Variants in LTBP1 observed in about 807,000 individuals in gnomAD.
LTBP1 encodes the protein latent-transforming growth factor beta-binding protein 1.
Under a neutral mutation model 207.6 loss-of-function variants are expected in LTBP1, and 129 were observed. The ratio of observed to expected loss-of-function variants is 0.62; its 90% CI spans 0.54 to 0.72. The LOEUF (loss-of-function observed/expected upper bound fraction) is 0.72. LTBP1 is among the 30% of genes least tolerant of loss of function. LTBP1 has a pLI of 0.00. For synonymous variants in LTBP1, 963 were observed against 833.7 expected, an observed-to-expected ratio of 1.16 and a Z score of -2.67; for missense variants, 2,281 against 2,217.2, an observed-to-expected ratio of 1.03 and a Z score of -0.58.
rs199743439 is a variant in LTBP1, at chr2:33,237,276, GT to G, written c.1877-6382del. Among the ~76,000 whole-genome samples, 1,458 of 152,242 alleles carry G rather than the reference GT, an allele frequency of 9.6e-3. 20 individuals carry two copies. The highest frequency in any genetic ancestry group is 0.043 in the Admixed American group (653 of 15,288). ...GAGATTTTGCCAAAGGACTCTTCGG[GT>G]TTTAAATATGCTTATGTATATAGAA... On this transcript the variant is annotated intron_variant, in intron 9 of 33. Transcript: ENST00000404816.
chr2:33,279,250 CTCTT>C (rs1421384167), intron 18 of LTBP1, among the ~76,000 whole-genome samples: 1 of 152,186 alleles, frequency 6.6e-6, no homozygotes, highest in Non-Finnish European at 1.5e-5. Context: ...GTTGAACTCT[CTCTT>C]ATATCTTTTT....
intron 13 of LTBP1, 110 bp from the exon 14 acceptor site, chr2:33,262,612 C>A: frequency 1.7e-4 from 52 of 297,502 alleles, no homozygotes; most frequent in East Asian, 3.9e-4. Context: ...CTTTGCCTTT[C>A]TAAGAATATA....
chr2:33,150,789 C>A (rs147349207), intron 5 of LTBP1, among the ~76,000 whole-genome samples: 2,121 of 136,748 alleles, frequency 0.016, 22 homozygotes, highest in East Asian at 0.026. Flanking sequence ...CAACCTCCAC[C>A]TGGGAGGCGG....
intron 3 of LTBP1, among the ~76,000 whole-genome samples, chr2:33,063,506 A>G (rs370595562): frequency 1.8e-4 from 27 of 152,308 alleles, no homozygotes; most frequent in South Asian, 1.2e-3. Flanking sequence ...AGGAAAAAGA[A>G]AAATTATTTT....
intron 5 of LTBP1, among the ~76,000 whole-genome samples, chr2:33,155,770 C>G (rs2083924523): frequency 6.6e-6 from 1 of 152,234 alleles, no homozygotes; most frequent in African/African-American, 2.4e-5. Context: ...TCTTTTTAGG[C>G]CATACAAAAA....
At chr2:33,365,882 C>T (rs778726896) in intron 31 of LTBP1, among the ~76,000 whole-genome samples, 20 of 152,066 alleles carry the variant, frequency 1.3e-4, no homozygotes, top group Non-Finnish European at 2.2e-4. Context: ...GTATTAGAGA[C>T]GGTAGAAAAT....
chr2:33,206,153 G>A (rs974247226), intron 7 of LTBP1, among the ~76,000 whole-genome samples: 2 of 152,210 alleles, frequency 1.3e-5, no homozygotes, highest in Admixed American at 1.3e-4. Context: ...AAGAGTCAGG[G>A]CAGTGGACAA....
In LTBP1 at chr2:33,243,717, C is replaced by T. The variant is rs2092415036; in HGVS notation, c.1932C>T (p.Thr644=). ...GCCCTAATGGTGAGTGTTTGAATAC[C>T]ATGGGCAGCTATCGATGTACCTGCA... The part of the protein sequence containing the change: ...GVCPNGECLN[T]MGSYRCTCKI... The change falls in exon 10 of 34, where the codon ACC becomes ACT. Residue 644 remains threonine, a synonymous_variant. Coordinates refer to ENST00000404816, the MANE Select transcript of LTBP1 (RefSeq NM_206943.4). 2 of 1,613,064 alleles carry T rather than the reference C, an allele frequency of 1.2e-6. No homozygotes were observed. Among genetic ancestry groups the T allele is most frequent in the Non-Finnish European group, 1.7e-6 (2 of 1,179,186 alleles).
intron 19 of LTBP1, among the ~76,000 whole-genome samples, chr2:33,288,638 A>G (rs767659382): frequency 6.6e-6 from 1 of 152,004 alleles, no homozygotes; most frequent in Non-Finnish European, 1.5e-5. Context: ...GGCAGATCAC[A>G]AGGTCAGGAG....
chr2:32,949,963 G>T (rs1676851333), intron 2 of LTBP1, among the ~76,000 whole-genome samples: 1 of 152,190 alleles, frequency 6.6e-6, no homozygotes, highest in Non-Finnish European at 1.5e-5. Flanking sequence ...AGCAGTAATT[G>T]CAGACATGAA....
rs79584281 is a variant in LTBP1, at chr2:33,330,879, T to G, written c.3731-11959T>G. The stretch of plus-strand genomic sequence containing the variant: ...AGTCATTTGTGCCTGGAATGTTTGT[T>G]TTTGTTTCCTTTTGTTTTTGTGCCT... On this transcript the variant is annotated intron_variant, in intron 24 of 33. Coordinates refer to ENST00000404816, the MANE Select transcript of LTBP1 (RefSeq NM_206943.4). Among the ~76,000 whole-genome samples the G allele has an allele frequency of 4.3e-3, 652 of 151,930 alleles. 4 individuals are homozygous for G. Among genetic ancestry groups the G allele is most frequent in the African/African-American group, 0.015 (624 of 41,540 alleles).
intron 3 of LTBP1, among the ~76,000 whole-genome samples, chr2:33,080,876 A>G (rs2078353500): frequency 6.6e-6 from 1 of 152,238 alleles, no homozygotes; most frequent in African/African-American, 2.4e-5. Context: ...GAGGAGAAAG[A>G]GTATTTTCCT....
intron 6 of LTBP1, 113 bp downstream of exon 6, chr2:33,187,193 A>T (rs1184389388): frequency 1.2e-6 from 1 of 837,682 alleles, no homozygotes; most frequent in Admixed American, 2.4e-5. Flanking sequence ...AAAGGAGTAC[A>T]TGATTTGTGG....
intron 9 of LTBP1, among the ~76,000 whole-genome samples, chr2:33,226,893 A>G (rs1344811704): frequency 1.3e-5 from 2 of 152,090 alleles, no homozygotes; most frequent in Non-Finnish European, 2.9e-5. Context: ...CTCCTACCTC[A>G]TAATTATTGA....
At chr2:33,175,562 T>C (rs1450135897) in intron 5 of LTBP1, among the ~76,000 whole-genome samples, 2 of 152,218 alleles carry the variant, frequency 1.3e-5, no homozygotes, top group Non-Finnish European at 2.9e-5. Flanking sequence ...GGTGGGACTG[T>C]AAACTAGTTC....
chr2:33,215,703 T>C (rs904109778), intron 7 of LTBP1, among the ~76,000 whole-genome samples: 2 of 148,442 alleles, frequency 1.3e-5, no homozygotes, highest in Admixed American at 6.8e-5. Context: ...TAAACTTCCA[T>C]TGGTTTTCTT....
intron 5 of LTBP1, among the ~76,000 whole-genome samples, chr2:33,170,191 C>T (rs1003360079): frequency 3.3e-5 from 5 of 152,180 alleles, no homozygotes; most frequent in African/African-American, 1.2e-4. Flanking sequence ...CGAGCCGAAG[C>T]AGGGCGAGGC....
chr2:33,364,454 C>A, intron 30 of LTBP1, 98 bp downstream of exon 30: 1 of 1,225,508 alleles, frequency 8.2e-7, no homozygotes, highest in Non-Finnish European at 1.1e-6. Flanking sequence ...AAAATGGATT[C>A]CTTGGGTATT....
intron 10 of LTBP1, among the ~76,000 whole-genome samples, chr2:33,250,715 T>C (rs114379628): frequency 0.024 from 3,600 of 152,236 alleles, 69 homozygotes; most frequent in Non-Finnish European, 0.037. Context: ...AGGGAGCTCA[T>C]GCATGCTGGG....
Sources: allele counts gnomAD v4.1 joint callset (sites outside exome capture counted in the v4.1 genomes callset), GRCh38; gene constraint gnomAD v4.1.1; transcripts MANE v1.5; gene names NCBI Gene and HGNC (gene_info 2026-07-23, HGNC 2026-07-21).